SEL1L3: variants seen among roughly 807,000 people sequenced by gnomAD.
SEL1L3 encodes the protein protein sel-1 homolog 3.
A neutral mutation model predicts 142.8 loss-of-function variants in SEL1L3; 76 were observed. That is an observed-to-expected ratio of 0.53 (90% confidence interval 0.44 to 0.64). The LOEUF is 0.64. SEL1L3 is among the 30% of genes least tolerant of loss of function. SEL1L3 has a pLI of 0.00. For missense variants in SEL1L3, 1,262 were observed against 1,381.7 expected, an observed-to-expected ratio of 0.91 and a Z score of 1.37; for synonymous variants, 504 against 519.6, an observed-to-expected ratio of 0.97 and a Z score of 0.41.
intron 11 of SEL1L3, among the ~76,000 whole-genome samples, chr4:25,794,207 A>C (rs578108179): frequency 6.6e-6 from 1 of 152,384 alleles, no homozygotes; most frequent in East Asian, 1.9e-4. Flanking sequence ...TCTGCACTGC[A>C]AAAGAAACTA....
the SEL1L3 span, among the ~76,000 whole-genome samples, chr4:25,730,363 A>G: frequency 0.14 from 21,126 of 151,686 alleles, 1,525 homozygotes; most frequent in Admixed American, 0.17. Context: ...TTTTTGAGTG[A>G]GCATCTTCTG....
intron 23 of SEL1L3, among the ~76,000 whole-genome samples, chr4:25,751,323 G>A (rs1018129845): frequency 3.3e-5 from 5 of 152,108 alleles, no homozygotes; most frequent in African/African-American, 7.2e-5. Context: ...GTACCCTTGG[G>A]TGCCCCATCA....
intron 1 of SEL1L3, among the ~76,000 whole-genome samples, chr4:25,851,739 A>G (rs186778467): frequency 1.3e-3 from 200 of 151,970 alleles, no homozygotes; most frequent in African/African-American, 4.6e-3. Flanking sequence ...AAATACAAAT[A>G]TTAACCGGGC....
chr4:25,750,306 A>G (rs1577548119), intron 23 of SEL1L3, among the ~76,000 whole-genome samples: 1 of 151,844 alleles, frequency 6.6e-6, no homozygotes, highest in East Asian at 1.9e-4. Context: ...CTACCGGCTG[A>G]GTGGAGTAGT....
At chr4:25,743,252 G>T (rs10005182), downstream of SEL1L3, among the ~76,000 whole-genome samples, 62,190 of 151,948 alleles carry the variant, frequency 0.41, 14,300 homozygotes, top group East Asian at 0.67. Flanking sequence ...TATTGAGTGG[G>T]CCAAAAAAAT....
chr4:25,725,895 A>G, the SEL1L3 span, among the ~76,000 whole-genome samples: 1 of 152,234 alleles, frequency 6.6e-6, no homozygotes, highest in Non-Finnish European at 1.5e-5. Flanking sequence ...AGTCACTTTC[A>G]TTGCTATCTT....
chr4:25,805,991 A>G (rs1713530291), intron 9 of SEL1L3, among the ~76,000 whole-genome samples: 1 of 150,318 alleles, frequency 6.7e-6, no homozygotes, highest in African/African-American at 2.4e-5. Context: ...TTTTTTCTTC[A>G]TTCCGTGAAA....
intron 1 of SEL1L3, among the ~76,000 whole-genome samples, chr4:25,857,704 G>C (rs910737446): frequency 9.2e-5 from 14 of 152,338 alleles, no homozygotes; most frequent in African/African-American, 3.4e-4. Context: ...TCCAAAGCCA[G>C]GGAAGGTGTG....
chr4:25,850,861 T>G (rs994998569), intron 1 of SEL1L3, among the ~76,000 whole-genome samples: 21 of 152,006 alleles, frequency 1.4e-4, no homozygotes, highest in South Asian at 2.1e-4. Flanking sequence ...TTGTTTGTTT[T>G]TTTTTTTGAG....
chr4:25,861,359 A>G lies in SEL1L3; in HGVS notation c.162+1316T>C, dbSNP rs190851612. ...CCAACCACACAATTTGATATTGGCT[A>G]ATTCTGAAATATGAGTAAAAGCACG... On this transcript the variant is annotated intron_variant, in intron 1 of 23. Transcript: ENST00000399878. Among the ~76,000 whole-genome samples the G allele has an allele frequency of 4.6e-5, 7 of 152,366 alleles. No homozygotes were observed. The East Asian group carries it at 1.3e-3, about 29-fold the overall frequency.
chr4:25,720,942 G>T, the SEL1L3 span: 1 of 152,158 alleles, frequency 6.6e-6, no homozygotes, highest in Non-Finnish European at 1.5e-5. Context: ...CCTGTTGGGG[G>T]TCAGCGTCCC....
intron 1 of SEL1L3, among the ~76,000 whole-genome samples, chr4:25,848,283 C>T (rs998293808): frequency 1.4e-4 from 22 of 152,180 alleles, no homozygotes; most frequent in African/African-American, 4.8e-4. Flanking sequence ...TCAGACACTA[C>T]CAAATCAAAG....
chr4:25,774,608 C>A (rs1476686590), intron 17 of SEL1L3, among the ~76,000 whole-genome samples: 1 of 152,194 alleles, frequency 6.6e-6, no homozygotes, highest in Admixed American at 6.5e-5. Context: ...TGCCTGTAAT[C>A]CCAACACTTT....
intron 1 of SEL1L3, chr4:25,861,715 T>A (rs183777957): frequency 6.6e-6 from 1 of 151,736 alleles, no homozygotes. Flanking sequence ...TTATTTACAG[T>A]AATATATGGC....
intron 1 of SEL1L3, among the ~76,000 whole-genome samples, chr4:25,850,581 G>GGAGTTTA (rs1327026084): frequency 6.6e-6 from 1 of 152,096 alleles, no homozygotes; most frequent in African/African-American, 2.4e-5. Context: ...TTCACTACTA[G>GGAGTTTA]GAGTTTAACC....
intron 6 of SEL1L3, among the ~76,000 whole-genome samples, chr4:25,822,999 G>C (rs1714866822): frequency 6.6e-6 from 1 of 152,166 alleles, no homozygotes; most frequent in South Asian, 2.1e-4. Flanking sequence ...ACAGGACACA[G>C]AGCATACCTT....
chr4:25,835,533 T>C (rs1715764113), intron 2 of SEL1L3, among the ~76,000 whole-genome samples: 1 of 152,240 alleles, frequency 6.6e-6, no homozygotes, highest in Admixed American at 6.5e-5. Flanking sequence ...AACAACTCTG[T>C]GAAGTAGATT....
intron 11 of SEL1L3, among the ~76,000 whole-genome samples, chr4:25,791,484 T>C (rs1712331461): frequency 1.3e-5 from 2 of 152,200 alleles, no homozygotes; most frequent in Non-Finnish European, 1.5e-5. Flanking sequence ...TCTCTCTTTA[T>C]ACATAATGAA....
chr4:25,737,012 A>T, the SEL1L3 span, among the ~76,000 whole-genome samples: 1 of 84,158 alleles, frequency 1.2e-5, no homozygotes, highest in Non-Finnish European at 2.9e-5. Flanking sequence ...TTTGAGACAG[A>T]GTCTCACTGT....
Sources: allele counts gnomAD v4.1 joint callset (sites outside exome capture counted in the v4.1 genomes callset), GRCh38; gene constraint gnomAD v4.1.1; transcripts MANE v1.5; gene names NCBI Gene and HGNC (gene_info 2026-07-23, HGNC 2026-07-21).